FBXW7: variants seen among roughly 807,000 people sequenced by gnomAD.
The protein encoded by FBXW7 is F-box/WD repeat-containing protein 7.
FBXW7 carries 11 observed loss-of-function variants against 86.3 expected under a neutral mutation model. The ratio of observed to expected loss-of-function variants is 0.13; its 90% CI spans 0.08 to 0.21. The LOEUF (loss-of-function observed/expected upper bound fraction) is 0.21. Among genes scored for constraint, FBXW7 ranks in the 10% least tolerant of loss-of-function variants. FBXW7 has a pLI of 1.00. For synonymous variants in FBXW7, 313 were observed against 297.9 expected, an observed-to-expected ratio of 1.05 and a Z score of -0.52; for missense variants, 488 against 847.4, an observed-to-expected ratio of 0.58 and a Z score of 5.27.
chr4:152,491,576 T>C (rs113697413), intron 2 of FBXW7, among the ~76,000 whole-genome samples: 1 of 152,162 alleles, frequency 6.6e-6, no homozygotes, highest in African/African-American at 2.4e-5. Flanking sequence ...GAATTCAGGA[T>C]AGTGGCTGGT....
intron 7 of FBXW7, among the ~76,000 whole-genome samples, chr4:152,336,131 A>AT (rs900467753): frequency 4.0e-5 from 6 of 151,602 alleles, no homozygotes; most frequent in Admixed American, 6.6e-5. Context: ...CAAAATAGGA[A>AT]TTTTTTTTTC....
At position 152,412,549 on chromosome 4, in the gene FBXW7, T is replaced by G. The variant is rs750554183; in HGVS notation, c.-119-20A>C. The G allele has an allele frequency of 6.6e-6, 1 of 151,192 alleles. No individual in the cohort carries two copies. The highest frequency in any genetic ancestry group is 1.9e-4 in the East Asian group (1 of 5,180). 9.4% of individuals were successfully genotyped at this position (151,192 alleles called of 1,614,324 possible). ...GTAATCCTAAAACAGAAAAAAAAAA[T>G]TTATACAGAGGATGCTCACTGCAGT... On this transcript the variant is annotated intron_variant, in intron 2 of 13. Transcript: ENST00000281708.
intron 2 of FBXW7, among the ~76,000 whole-genome samples, chr4:152,482,836 T>G (rs1200679816): frequency 6.6e-6 from 1 of 152,182 alleles, no homozygotes; most frequent in East Asian, 1.9e-4. Context: ...CTAATAATAT[T>G]AATAGGTTAA....
chr4:152,512,699 G>A (rs1748090790), intron 2 of FBXW7, among the ~76,000 whole-genome samples: 1 of 152,184 alleles, frequency 6.6e-6, no homozygotes, highest in Admixed American at 6.5e-5. Context: ...AATCCATAGA[G>A]ATAGGAAGTA....
intron 2 of FBXW7, among the ~76,000 whole-genome samples, chr4:152,439,298 T>C (rs940966986): frequency 3.9e-5 from 6 of 152,126 alleles, no homozygotes; most frequent in Non-Finnish European, 1.5e-5. Context: ...TTTACTAGTT[T>C]TCACAATTTC....
At chr4:152,523,785 A>C (rs571600669) in intron 2 of FBXW7, among the ~76,000 whole-genome samples, 5 of 152,360 alleles carry the variant, frequency 3.3e-5, no homozygotes, top group East Asian at 3.9e-4. Context: ...AAAGTCCAAC[A>C]ACCAAATTTC....
chr4:152,439,233 A>ATT (rs913424260), intron 2 of FBXW7, among the ~76,000 whole-genome samples: 1 of 148,196 alleles, frequency 6.7e-6, no homozygotes, highest in Non-Finnish European at 1.5e-5. Context: ...TCCCACGTTA[A>ATT]TTTTTTTTTT....
In FBXW7 at chr4:152,365,171, A is replaced by G. The variant is rs145947794; in HGVS notation, c.502-15047T>C. Reference sequence around the variant, plus strand: ...AGCTAGGTTCGGAGCAGGGAGGGATAACCACCTATAGCTAGAGGACACTGA... The same window carrying G: ...AGCTAGGTTCGGAGCAGGGAGGGATGACCACCTATAGCTAGAGGACACTGA... On this transcript the variant is annotated intron_variant, in intron 4 of 13. Transcript: ENST00000281708. Among the ~76,000 whole-genome samples the G allele has an allele frequency of 4.1e-3, 631 of 152,252 alleles. 1 individual carries two copies. Among genetic ancestry groups the G allele is most frequent in the Non-Finnish European group, 7.7e-3 (521 of 68,000 alleles).
chr4:152,346,775 T>A (rs1040572623), intron 6 of FBXW7, 155 bp downstream of exon 6: 4 of 996,838 alleles, frequency 4.0e-6, no homozygotes, highest in Non-Finnish European at 5.8e-6. Context: ...ACATGTGGCC[T>A]TTTGTGTCTG....
At chr4:152,519,036 T>C (rs9307893) in intron 2 of FBXW7, among the ~76,000 whole-genome samples, 66,855 of 152,090 alleles carry the variant, frequency 0.44, 16,793 homozygotes, top group African/African-American at 0.69. Flanking sequence ...TGGTGGCTCA[T>C]GCCTGTAATC....
At chr4:152,377,720 G>A (rs976941513) in intron 4 of FBXW7, among the ~76,000 whole-genome samples, 1 of 146,202 alleles carries the variant, frequency 6.8e-6, no homozygotes, top group African/African-American at 2.5e-5. Context: ...AGCTAAGATC[G>A]CACCAGCCTA....
At chr4:152,409,728 A>T (rs1737756128) in intron 4 of FBXW7, among the ~76,000 whole-genome samples, 1 of 151,236 alleles carries the variant, frequency 6.6e-6, no homozygotes, top group Non-Finnish European at 1.5e-5. Flanking sequence ...GCATACACAC[A>T]TCTATACTGT....
chr4:152,411,011 G>A (rs1482950528), intron 4 of FBXW7: 2 of 333,726 alleles, frequency 6.0e-6, no homozygotes, highest in African/African-American at 2.1e-5. Flanking sequence ...CCCCACACAA[G>A]CTACTAATCC....
At position 152,375,665 on chromosome 4, in the gene FBXW7, G is replaced by A. The variant is rs528248383; in HGVS notation, c.502-25541C>T. Among the ~76,000 whole-genome samples, 18 of 152,130 alleles carry A rather than the reference G, an allele frequency of 1.2e-4. No individual in the cohort carries two copies. In the South Asian group the frequency reaches 3.5e-3, roughly 30 times the overall value. On this transcript the variant is annotated intron_variant, in intron 4 of 13. Transcript: ENST00000281708. ...ACAGAAAACCTAGAATAATAAACAT[G>A]GAAGTACAATGATACAGTATCAGCT...
intron 4 of FBXW7, among the ~76,000 whole-genome samples, chr4:152,369,277 A>G (rs922733301): frequency 6.6e-6 from 1 of 152,086 alleles, no homozygotes; most frequent in Non-Finnish European, 1.5e-5. Context: ...AAAAGGTACT[A>G]CTATTAGCTC....
chr4:152,365,833 C>T (rs1290393483), intron 4 of FBXW7, among the ~76,000 whole-genome samples: 1 of 152,132 alleles, frequency 6.6e-6, no homozygotes, highest in Non-Finnish European at 1.5e-5. Context: ...AAGCCAACAC[C>T]TTGTTACAGT....
chr4:152,365,436 T>C (rs1733391801), intron 4 of FBXW7, among the ~76,000 whole-genome samples: 1 of 152,156 alleles, frequency 6.6e-6, no homozygotes, highest in South Asian at 2.1e-4. Context: ...GAGGAAGTTA[T>C]TCCACTAGAC....
intron 2 of FBXW7, among the ~76,000 whole-genome samples, chr4:152,527,979 A>G (rs1340805827): frequency 6.6e-6 from 1 of 152,094 alleles, no homozygotes; most frequent in Non-Finnish European, 1.5e-5. Context: ...TGGAACTGAT[A>G]ATAAACATTG....
intron 4 of FBXW7, among the ~76,000 whole-genome samples, chr4:152,402,648 A>G (rs1323537663): frequency 6.6e-6 from 1 of 152,212 alleles, no homozygotes; most frequent in Non-Finnish European, 1.5e-5. Flanking sequence ...CTCTCTTCAC[A>G]TATTTCTCAT....
Sources: allele counts gnomAD v4.1 joint callset (sites outside exome capture counted in the v4.1 genomes callset), GRCh38; gene constraint gnomAD v4.1.1; transcripts MANE v1.5; gene names NCBI Gene and HGNC (gene_info 2026-07-23, HGNC 2026-07-21).